The following TXNRD1 variants were observed in gnomAD, a reference collection of about 807,000 sequenced individuals.
TXNRD1 encodes thioredoxin reductase 1, also known as thioredoxin reductase 1, cytoplasmic.
In TXNRD1, 57 loss-of-function variants were observed where a neutral mutation model predicts 80.3. That is an observed-to-expected ratio of 0.71 (90% CI 0.57 to 0.89). The LOEUF is 0.89. Among genes scored for constraint, TXNRD1 ranks in the 40% least tolerant of loss-of-function variants. The pLI is 0.00. For synonymous variants in TXNRD1, 291 were observed against 285.2 expected (o/e 1.02, Z -0.20); for missense variants, 730 against 803.0 (o/e 0.91, Z 1.10).
intron 16 of TXNRD1, among the ~76,000 whole-genome samples, chr12:104,340,695 CAGTCATTGGATT>C (rs1440560502): frequency 6.6e-6 from 1 of 152,154 alleles, no homozygotes; most frequent in East Asian, 1.9e-4. Flanking sequence ...AAAGAAACTC[CAGTCATTGGATT>C]AGGGCCCACT....
In TXNRD1 at chr12:104,348,499, A is replaced by G; in HGVS notation, c.*78A>G. 1.4e-6 allele frequency: 2 copies of G among 1,467,636 alleles called. No homozygotes were observed. Among genetic ancestry groups the G allele is most frequent in the Non-Finnish European group, 1.9e-6 (2 of 1,050,632 alleles). 90.9% of individuals were successfully genotyped at this position (1,467,636 alleles called of 1,614,324 possible). A position where few individuals can be genotyped will look rare whatever the true frequency, so the allele number is the denominator to read the frequency against. On this transcript the variant is annotated 3_prime_UTR_variant, in exon 17 of 17. Coordinates refer to ENST00000525566, the MANE Select transcript of TXNRD1 (RefSeq NM_001093771.3). The stretch of plus-strand genomic sequence containing the variant: ...GCCCAAATCCAAGGCGAAGTTTTCT[A>G]GAGGGTTCTTGGGCTCTTGGCACCT...
In TXNRD1 at chr12:104,299,066, G is replaced by T. The variant is rs370151579; in HGVS notation, c.414+10026G>T. Among the ~76,000 whole-genome samples, 4 of 152,128 alleles carry T rather than the reference G, an allele frequency of 2.6e-5. No individual in the cohort carries two copies. In the East Asian group the frequency reaches 5.8e-4, roughly 22 times the overall value. Reference sequence around the variant, plus strand: ...GAAAGTCAGCTCTCTGTATTCACCGGATGTGAAACATCACATCTCACAAAT... The same window carrying T: ...GAAAGTCAGCTCTCTGTATTCACCGTATGTGAAACATCACATCTCACAAAT... On this transcript the variant is annotated intron_variant, in intron 4 of 16. Transcript: ENST00000525566.
intron 1 of TXNRD1, among the ~76,000 whole-genome samples, chr12:104,230,879 C>T (rs1358485317): frequency 6.6e-6 from 1 of 152,184 alleles, no homozygotes; most frequent in Middle Eastern, 3.4e-3. Context: ...AAAATCTGGC[C>T]CTCACACCCT....
At chr12:104,239,960 T>A (rs1397678050) in intron 1 of TXNRD1, among the ~76,000 whole-genome samples, 2 of 152,234 alleles carry the variant, frequency 1.3e-5, no homozygotes, top group Non-Finnish European at 2.9e-5. Flanking sequence ...TTATTATTCC[T>A]TTTATATATT....
intron 7 of TXNRD1, among the ~76,000 whole-genome samples, 171 bp from the exon 8 acceptor site, chr12:104,318,737 TATAAG>T (rs1262111538): frequency 1.1e-4 from 17 of 152,362 alleles, no homozygotes; most frequent in African/African-American, 3.1e-4. Context: ...GTATTAGTCT[TATAAG>T]AGAATACTTG....
In TXNRD1 at chr12:104,319,627, G is replaced by A. The variant is rs374569491; in HGVS notation, c.989+42G>A. Reference sequence around the variant, plus strand: ...GGGTGGAAAAGAAAAACCCATTGTGGATATTGCTTTCGCATTTTTCTTCAA... The same window carrying A: ...GGGTGGAAAAGAAAAACCCATTGTGAATATTGCTTTCGCATTTTTCTTCAA... On this transcript the variant is annotated intron_variant, in intron 9 of 16. Transcript: ENST00000525566. The A allele has an allele frequency of 8.5e-6, 12 of 1,418,640 alleles. No individual in the cohort carries two copies. In the African/African-American group the frequency reaches 1.0e-4, roughly 12 times the overall value. 87.9% of individuals were successfully genotyped at this position (1,418,640 alleles called of 1,614,324 possible).
chr12:104,232,418 C>G (rs2032643446), intron 1 of TXNRD1, among the ~76,000 whole-genome samples: 2 of 152,104 alleles, frequency 1.3e-5, no homozygotes, highest in East Asian at 3.9e-4. Context: ...CAAAAATTAG[C>G]TGGGTGTGGT....
At chr12:104,254,642 A>ATATATAT (rs1555207862) in intron 2 of TXNRD1, among the ~76,000 whole-genome samples, 8 of 104,536 alleles carry the variant, frequency 7.7e-5, no homozygotes, top group African/African-American at 2.6e-4. Flanking sequence ...AAAAAAAAAA[A>ATATATAT]AAATATATAT....
intron 1 of TXNRD1, among the ~76,000 whole-genome samples, chr12:104,222,621 G>T (rs1472132078): frequency 6.6e-6 from 1 of 152,190 alleles, no homozygotes; most frequent in Non-Finnish European, 1.5e-5. Flanking sequence ...GGGAGACTGA[G>T]GCAGGCAGAT....
chr12:104,319,152 A>G, intron 8 of TXNRD1, 97 bp downstream of exon 8: 1 of 1,371,876 alleles, frequency 7.3e-7, no homozygotes, highest in Non-Finnish European at 9.8e-7. Context: ...TAAAAGTAAT[A>G]GCCACTGTGA....
At chr12:104,294,084 A>G (rs1287127753) in intron 4 of TXNRD1, among the ~76,000 whole-genome samples, 1 of 152,198 alleles carries the variant, frequency 6.6e-6, no homozygotes, top group African/African-American at 2.4e-5. Flanking sequence ...AGGATGGAAC[A>G]TGAAGGCGGA....
intron 15 of TXNRD1, among the ~76,000 whole-genome samples, chr12:104,337,551 G>T (rs1394058349): frequency 6.6e-6 from 1 of 151,762 alleles, no homozygotes; most frequent in Non-Finnish European, 1.5e-5. Flanking sequence ...TTTTTCTTTT[G>T]CTTTCAAAAA....
At chr12:104,278,230 T>C (rs2033799055) in intron 3 of TXNRD1, among the ~76,000 whole-genome samples, 1 of 135,344 alleles carries the variant, frequency 7.4e-6, no homozygotes, top group Non-Finnish European at 1.5e-5. Context: ...AGACGGAGTC[T>C]TGCTCTGTCG....
intron 1 of TXNRD1, among the ~76,000 whole-genome samples, chr12:104,224,267 G>A (rs1482317627): frequency 3.3e-5 from 5 of 152,294 alleles, no homozygotes; most frequent in African/African-American, 1.2e-4. Context: ...AATTCCCCAA[G>A]TAGAGATAGT....
At chr12:104,323,076 C>A (rs569677578) in intron 10 of TXNRD1, among the ~76,000 whole-genome samples, 2 of 116,658 alleles carry the variant, frequency 1.7e-5, no homozygotes, top group South Asian at 3.4e-4. Flanking sequence ...TCCATTTAAC[C>A]CTGAGTGGAC....
Position 104,326,401 on chromosome 12 carries a change from G to A in TXNRD1, c.1363G>A (p.Val455Ile), listed in dbSNP as rs201533043. 6.0e-5 allele frequency: 96 copies of A among 1,588,528 alleles called. 1 individual carries two copies. The highest frequency in any genetic ancestry group is 1.1e-4 in the East Asian group (5 of 44,208). ...ACTRKIGLETVGVKINEKTGK... is the reference protein window; with the variant it reads ...ACTRKIGLETIGVKINEKTGK... ...CACAAGAAAAATTGGCTTAGAAACC[G>A]TAGGGGTGAAGATAAATGAAAAGTA... is the stretch of plus-strand genomic sequence containing the variant. The change falls in exon 12 of 17, where the codon GTA (valine) becomes ATA (isoleucine). Residue 455 changes from valine (V) to isoleucine (I), a missense_variant. Val to Ile is a conservative substitution (Grantham distance 29). Transcript: ENST00000525566.
At chr12:104,223,259 T>G (rs533044025) in intron 1 of TXNRD1, among the ~76,000 whole-genome samples, 1 of 152,330 alleles carries the variant, frequency 6.6e-6, no homozygotes, top group East Asian at 1.9e-4. Context: ...TTAAAAATGT[T>G]TAAAACAACT....
chr12:104,265,266 A>AAC (rs1368930161), intron 3 of TXNRD1: 4 of 1,526,736 alleles, frequency 2.6e-6, no homozygotes, highest in Middle Eastern at 2.3e-4. Flanking sequence ...AAAAAAAAAA[A>AAC]AAACTTCCTT....
intron 16 of TXNRD1, among the ~76,000 whole-genome samples, chr12:104,348,056 T>C (rs552328753): frequency 2.0e-5 from 3 of 152,158 alleles, no homozygotes; most frequent in Non-Finnish European, 4.4e-5. Flanking sequence ...TGAATTTCTT[T>C]TAGAGGGTTG....
Sources: allele counts gnomAD v4.1 joint callset (sites outside exome capture counted in the v4.1 genomes callset), GRCh38; gene constraint gnomAD v4.1.1; transcripts MANE v1.5; gene names NCBI Gene and HGNC (gene_info 2026-07-23, HGNC 2026-07-21).